AGMO: variants seen among roughly 807,000 people sequenced by gnomAD.
AGMO encodes the protein glyceryl-ether monooxygenase.
In AGMO, 75 loss-of-function variants were observed where a neutral mutation model predicts 60.2. The ratio of observed to expected loss-of-function variants is 1.25; its 90% CI spans 1.03 to 1.51. The LOEUF is 1.51. Ranked by LOEUF, AGMO falls within the 40% of genes most tolerant of loss-of-function variation. The pLI, the probability that AGMO is intolerant of heterozygous loss-of-function variation, is 0.00. For missense variants in AGMO, 763 were observed against 525.5 expected, an observed-to-expected ratio of 1.45 and a Z score of -4.42; for synonymous variants, 261 against 177.1, an observed-to-expected ratio of 1.47 and a Z score of -3.76.
At chr7:15,462,458 G>T (rs961793376) in intron 3 of AGMO, among the ~76,000 whole-genome samples, 7 of 152,082 alleles carry the variant, frequency 4.6e-5, no homozygotes, top group African/African-American at 7.2e-5. Context: ...CATTGGAAAA[G>T]TTCTACTATT....
At chr7:15,320,555 T>C (rs992546838) in intron 12 of AGMO, among the ~76,000 whole-genome samples, 2 of 152,104 alleles carry the variant, frequency 1.3e-5, no homozygotes, top group Non-Finnish European at 2.9e-5. Context: ...ACATGGCATC[T>C]TCATAATTGG....
chr7:15,343,310 T>C (rs1199713569), intron 12 of AGMO, among the ~76,000 whole-genome samples: 2 of 152,152 alleles, frequency 1.3e-5, no homozygotes, highest in Non-Finnish European at 2.9e-5. Flanking sequence ...TTATTTTAAC[T>C]CAAGCTTTCA....
intron 12 of AGMO, among the ~76,000 whole-genome samples, chr7:15,241,132 C>T (rs1039767440): frequency 4.6e-5 from 7 of 151,878 alleles, no homozygotes; most frequent in African/African-American, 1.2e-4. Context: ...AATGCGCTCA[C>T]TCTGGTAGGT....
At chr7:15,494,870 C>G (rs1228041764) in intron 3 of AGMO, among the ~76,000 whole-genome samples, 3 of 152,322 alleles carry the variant, frequency 2.0e-5, no homozygotes, top group East Asian at 1.9e-4. Flanking sequence ...TGCAAAATTC[C>G]TTAGGTCTCA....
intron 3 of AGMO, among the ~76,000 whole-genome samples, chr7:15,530,728 T>C (rs908101029): frequency 2.1e-5 from 3 of 142,490 alleles, no homozygotes; most frequent in Non-Finnish European, 4.5e-5. Context: ...TCTATATAGA[T>C]ATTCTATATA....
chr7:15,195,335 G>T (rs1781088994), downstream of AGMO, among the ~76,000 whole-genome samples: 1 of 152,102 alleles, frequency 6.6e-6, no homozygotes, highest in Non-Finnish European at 1.5e-5. Context: ...TTCCTTGCAG[G>T]GAGAGATGGG....
intron 3 of AGMO, among the ~76,000 whole-genome samples, chr7:15,538,913 A>G (rs1394841595): frequency 6.6e-6 from 1 of 152,136 alleles, no homozygotes; most frequent in Admixed American, 6.5e-5. Flanking sequence ...ATACAGAATG[A>G]GAGGAATTTT....
chr7:15,234,951 C>T (rs1782373212), intron 12 of AGMO, among the ~76,000 whole-genome samples: 1 of 152,048 alleles, frequency 6.6e-6, no homozygotes, highest in African/African-American at 2.4e-5. Context: ...CCTACTTTTT[C>T]CGTTTTAGCT....
At chr7:15,249,192 A>G (rs1385251851) in intron 12 of AGMO, among the ~76,000 whole-genome samples, 2 of 152,212 alleles carry the variant, frequency 1.3e-5, no homozygotes, top group Non-Finnish European at 2.9e-5. Flanking sequence ...GAGCTGAATA[A>G]TGGCTGCTGA....
chr7:15,468,978 T>C (rs1782367457), intron 3 of AGMO, among the ~76,000 whole-genome samples: 2 of 152,126 alleles, frequency 1.3e-5, no homozygotes, highest in African/African-American at 4.8e-5. Flanking sequence ...CTATTTAAAT[T>C]ACAGGTTGAT....
At position 15,373,250 on chromosome 7, in the gene AGMO, C is replaced by T. The variant is rs1167388941; in HGVS notation, c.1075-7028G>A. ...CTGAGATGGCACCACAGCACTCCAGCCTGGACAACAGAGTGATATTCTGTC... is the reference window on the plus strand; with the variant it reads ...CTGAGATGGCACCACAGCACTCCAGTCTGGACAACAGAGTGATATTCTGTC... On this transcript the variant is annotated intron_variant, in intron 10 of 12. Transcript: ENST00000342526. Among the ~76,000 whole-genome samples, 3 of 151,764 alleles carry T rather than the reference C, an allele frequency of 2.0e-5. No homozygotes were observed. The East Asian group carries it at 5.8e-4, about 29-fold the overall frequency.
At chr7:15,191,389 C>A in the AGMO span, among the ~76,000 whole-genome samples, 12,932 of 152,072 alleles carry the variant, frequency 0.085, 654 homozygotes, top group East Asian at 0.15. Context: ...TGTGTACATA[C>A]CAGAACGTAT....
chr7:15,191,028 A>G, the AGMO span, among the ~76,000 whole-genome samples: 1 of 152,146 alleles, frequency 6.6e-6, no homozygotes, highest in Admixed American at 6.6e-5. Flanking sequence ...ATTCATCTTC[A>G]AGAAACTCAA....
At chr7:15,348,373 A>G (rs1486671021) in intron 12 of AGMO, among the ~76,000 whole-genome samples, 1 of 152,098 alleles carries the variant, frequency 6.6e-6, no homozygotes, top group Non-Finnish European at 1.5e-5. Flanking sequence ...TGAATGATCG[A>G]TGAAACTGTT....
At chr7:15,282,360 GAGAT>G (rs1219202152) in intron 12 of AGMO, among the ~76,000 whole-genome samples, 3 of 151,992 alleles carry the variant, frequency 2.0e-5, no homozygotes, top group South Asian at 4.2e-4. Flanking sequence ...AATTTATAAA[GAGAT>G]AGATATTTTA....
intron 12 of AGMO, among the ~76,000 whole-genome samples, chr7:15,296,997 A>G (rs568699037): frequency 5.9e-5 from 9 of 152,126 alleles, no homozygotes; most frequent in Admixed American, 2.6e-4. Flanking sequence ...GCTACCTTGT[A>G]TAATATTACG....
chr7:15,294,607 A>T (rs1784362763), intron 12 of AGMO, among the ~76,000 whole-genome samples: 1 of 151,994 alleles, frequency 6.6e-6, no homozygotes, highest in African/African-American at 2.4e-5. Flanking sequence ...TAAAAATGTG[A>T]ATAATTTAAG....
intron 3 of AGMO, among the ~76,000 whole-genome samples, chr7:15,468,554 C>A (rs1359463244): frequency 6.6e-6 from 1 of 151,976 alleles, no homozygotes; most frequent in Non-Finnish European, 1.5e-5. Context: ...TATGCTTATA[C>A]ACACAAATCA....
At chr7:15,410,559 G>A (rs559949816) in intron 5 of AGMO, among the ~76,000 whole-genome samples, 3 of 151,800 alleles carry the variant, frequency 2.0e-5, no homozygotes, top group South Asian at 2.1e-4. Context: ...AATATCTATT[G>A]CATTAAAATT....
Sources: allele counts gnomAD v4.1 joint callset (sites outside exome capture counted in the v4.1 genomes callset), GRCh38; gene constraint gnomAD v4.1.1; transcripts MANE v1.5; gene names NCBI Gene and HGNC (gene_info 2026-07-23, HGNC 2026-07-21).